EXOC4: variants seen among roughly 807,000 people sequenced by gnomAD.
EXOC4 encodes SEC8-like 1.
EXOC4 carries 71 observed loss-of-function variants against 107.2 expected under a neutral mutation model. The observed-to-expected ratio is 0.66, with a 90% CI of 0.55 to 0.81. EXOC4 has a LOEUF of 0.81. Ranked by LOEUF, EXOC4 falls within the 30% of genes least tolerant of loss-of-function variation. The pLI is 0.00. For missense variants in EXOC4, 1,108 were observed against 1,189.6 expected (o/e 0.93, Z 1.01); for synonymous variants, 456 against 441.2 (o/e 1.03, Z -0.42).
At chr7:133,597,708 A>C (rs1801713883) in intron 9 of EXOC4, among the ~76,000 whole-genome samples, 1 of 151,906 alleles carries the variant, frequency 6.6e-6, no homozygotes, top group Admixed American at 6.6e-5. Flanking sequence ...GGTTAGTGCA[A>C]AACTAATTGC....
intron 14 of EXOC4, among the ~76,000 whole-genome samples, chr7:133,986,347 T>A (rs536304140): frequency 2.0e-5 from 3 of 152,278 alleles, no homozygotes; most frequent in African/African-American, 7.2e-5. Flanking sequence ...TGTAGAAACA[T>A]AGCAAAAGAA....
intron 8 of EXOC4, among the ~76,000 whole-genome samples, chr7:133,475,767 T>C (rs1261203661): frequency 6.6e-6 from 1 of 152,158 alleles, no homozygotes; most frequent in East Asian, 1.9e-4. Flanking sequence ...CTGGGGAATT[T>C]TATATGAAAT....
At chr7:133,410,501 T>C (rs1377914947) in intron 7 of EXOC4, among the ~76,000 whole-genome samples, 2 of 152,210 alleles carry the variant, frequency 1.3e-5, no homozygotes, top group African/African-American at 4.8e-5. Context: ...ATCATTTAAT[T>C]TGACTCACCT....
At chr7:133,957,015 A>G (rs1352620162) in intron 14 of EXOC4, among the ~76,000 whole-genome samples, 1 of 152,074 alleles carries the variant, frequency 6.6e-6, no homozygotes, top group East Asian at 1.9e-4. Context: ...AACTATATAG[A>G]GAGGCTAAAA....
the EXOC4 span, among the ~76,000 whole-genome samples, chr7:134,077,618 T>C: frequency 1.3e-5 from 2 of 152,226 alleles, no homozygotes; most frequent in Non-Finnish European, 2.9e-5. Context: ...AGACCGCACC[T>C]GAATTTTATA....
At chr7:133,291,383 ATTTT>A (rs372299756) in intron 3 of EXOC4, among the ~76,000 whole-genome samples, 1 of 132,492 alleles carries the variant, frequency 7.5e-6, no homozygotes, top group Admixed American at 7.5e-5. Flanking sequence ...TTGTTATGTG[ATTTT>A]TTTTTTTTTT....
chr7:133,567,395 A>C (rs2150955963), intron 9 of EXOC4, among the ~76,000 whole-genome samples: 1 of 151,376 alleles, frequency 6.6e-6, no homozygotes, highest in Non-Finnish European at 1.5e-5. Context: ...ATTACGTTGT[A>C]TTGTTACACC....
intron 11 of EXOC4, among the ~76,000 whole-genome samples, chr7:133,836,488 C>T (rs1797921337): frequency 6.6e-6 from 1 of 152,164 alleles, no homozygotes; most frequent in Non-Finnish European, 1.5e-5. Context: ...ACAGCACCGA[C>T]ACTTGTACTG....
chr7:133,802,878 G>GAGA (rs1440553733), intron 10 of EXOC4, among the ~76,000 whole-genome samples: 4 of 147,736 alleles, frequency 2.7e-5, no homozygotes, highest in African/African-American at 9.9e-5. Flanking sequence ...AGGAGAGAGA[G>GAGA]AGAAAATACA....
intron 9 of EXOC4, among the ~76,000 whole-genome samples, chr7:133,591,297 G>A (rs1218789555): frequency 6.6e-6 from 1 of 152,086 alleles, no homozygotes; most frequent in Non-Finnish European, 1.5e-5. Flanking sequence ...CTCCCAAAGT[G>A]CTGCTGATTA....
At chr7:133,476,275 T>C (rs1174527399) in intron 8 of EXOC4, among the ~76,000 whole-genome samples, 2 of 152,184 alleles carry the variant, frequency 1.3e-5, no homozygotes, top group African/African-American at 2.4e-5. Flanking sequence ...AATACTTTTG[T>C]ACATATAAAA....
At chr7:134,088,711 G>C in the EXOC4 span, among the ~76,000 whole-genome samples, 1 of 152,130 alleles carries the variant, frequency 6.6e-6, no homozygotes, top group African/African-American at 2.4e-5. Context: ...ACCACCTTTT[G>C]AAGAGGATTG....
intron 11 of EXOC4, among the ~76,000 whole-genome samples, chr7:133,855,630 GA>G (rs933861308): frequency 4.0e-5 from 6 of 149,072 alleles, no homozygotes; most frequent in African/African-American, 1.5e-4. Flanking sequence ...CAATGATTTT[GA>G]AAAACATAGT....
intron 14 of EXOC4, among the ~76,000 whole-genome samples, chr7:133,970,168 C>T (rs1801169487): frequency 6.6e-6 from 1 of 152,160 alleles, no homozygotes; most frequent in South Asian, 2.1e-4. Flanking sequence ...CCTACTCAAG[C>T]CTCAGAAATG....
At chr7:133,643,355 G>A (rs58318333) in intron 10 of EXOC4, among the ~76,000 whole-genome samples, 49,103 of 151,992 alleles carry the variant, frequency 0.32, 8,140 homozygotes, top group South Asian at 0.45. Context: ...TATTCTAGCC[G>A]CACTAGCAGC....
chr7:133,759,045 T>G (rs971074705), intron 10 of EXOC4, among the ~76,000 whole-genome samples: 6 of 152,126 alleles, frequency 3.9e-5, no homozygotes, highest in African/African-American at 7.2e-5. Context: ...ATGTGATGAA[T>G]TTTTTTGGAT....
At chr7:133,703,663 A>G (rs969236900) in intron 10 of EXOC4, among the ~76,000 whole-genome samples, 3 of 152,224 alleles carry the variant, frequency 2.0e-5, no homozygotes, top group Non-Finnish European at 4.4e-5. Flanking sequence ...GCCTTTTCCT[A>G]TCATAACAAA....
At chr7:134,022,269 G>A (rs1415709847) in intron 17 of EXOC4, among the ~76,000 whole-genome samples, 5 of 151,952 alleles carry the variant, frequency 3.3e-5, no homozygotes, top group Non-Finnish European at 7.4e-5. Context: ...TCATTTCTTG[G>A]TGCATAGTTC....
intron 10 of EXOC4, 70 bp from the exon 11 acceptor site, chr7:133,817,255 T>G: frequency 1.9e-6 from 2 of 1,059,682 alleles, no homozygotes; most frequent in Admixed American, 4.0e-5. Context: ...GATATACTCA[T>G]GTCCTCATGT....
Sources: allele counts gnomAD v4.1 joint callset (sites outside exome capture counted in the v4.1 genomes callset), GRCh38; gene constraint gnomAD v4.1.1; transcripts MANE v1.5; gene names NCBI Gene and HGNC (gene_info 2026-07-23, HGNC 2026-07-21).